Variants in CHD2 observed in about 807,000 individuals in gnomAD.
CHD2 encodes the protein ATP-dependent chromatin remodeler CHD2.
In CHD2, 28 loss-of-function variants were observed where a neutral mutation model predicts 243.9. The observed-to-expected ratio is 0.11, with a 90% CI of 0.09 to 0.16. CHD2 has a LOEUF of 0.16. Among genes scored for constraint, CHD2 ranks in the 10% least tolerant of loss-of-function variants. CHD2 has a pLI of 1.00. For synonymous variants in CHD2, 775 were observed against 779.0 expected, an observed-to-expected ratio of 0.99 and a Z score of 0.09; for missense variants, 1,386 against 2,209.8, an observed-to-expected ratio of 0.63 and a Z score of 7.47.
At chr15:92,949,428 T>A (rs1387275055) in intron 13 of CHD2, among the ~76,000 whole-genome samples, 2 of 152,224 alleles carry the variant, frequency 1.3e-5, no homozygotes, top group South Asian at 2.1e-4. Flanking sequence ...AAGAAGAAGA[T>A]GTCTTTTTCA....
chr15:93,024,818 G>GCTC lies in CHD2; in HGVS notation c.*115_*116insCCT. On this transcript the variant is annotated 3_prime_UTR_variant, in exon 39 of 39. Coordinates refer to ENST00000394196, the MANE Select transcript of CHD2 (RefSeq NM_001271.4). ...TAAGTGGAGTTTTGGACATGCTGCTGCTGTCAACTCACTGGCTGAAGGAGC... is the reference window on the plus strand; with the variant it reads ...TAAGTGGAGTTTTGGACATGCTGCTGCTCCTGTCAACTCACTGGCTGAAGGAGC... 1 of 883,042 alleles carries GCTC rather than the reference G, an allele frequency of 1.1e-6. No individual in the cohort carries two copies. Among genetic ancestry groups the GCTC allele is most frequent in the East Asian group, 2.7e-5 (1 of 37,238 alleles). The allele number at this position is 883,042 out of a possible 1,614,324, so 54.7% of individuals were successfully genotyped here. A position where few individuals can be genotyped will look rare whatever the true frequency, so the allele number is the denominator to read the frequency against.
chr15:92,995,575 A>T (rs1269788426), intron 28 of CHD2, among the ~76,000 whole-genome samples: 1 of 152,188 alleles, frequency 6.6e-6, no homozygotes, highest in Non-Finnish European at 1.5e-5. Flanking sequence ...TCATATCATT[A>T]TGTAGAGATC....
At chr15:92,990,214 CTCT>C (rs2054099054) in intron 26 of CHD2, among the ~76,000 whole-genome samples, 1 of 152,204 alleles carries the variant, frequency 6.6e-6, no homozygotes, top group African/African-American at 2.4e-5. Context: ...AACTCTCAAC[CTCT>C]TCTTTACCCT....
intron 15 of CHD2, among the ~76,000 whole-genome samples, chr15:92,956,158 G>GT (rs1271823403): frequency 6.6e-6 from 1 of 152,006 alleles, no homozygotes; most frequent in Non-Finnish European, 1.5e-5. Flanking sequence ...GAATCATATG[G>GT]TTTTTTTGTT....
In CHD2 at chr15:92,992,878, G is replaced by A; in HGVS notation, c.3475G>A (p.Asp1159Asn). Residue 1159 changes from aspartate to asparagine, a missense_variant, in exon 28 of 39, where the codon GAT (aspartate) becomes AAT (asparagine). Coordinates refer to ENST00000394196, the MANE Select transcript of CHD2 (RefSeq NM_001271.4). ...CCTCAGGCTGGAGTGCATAGCACGT[G>A]ATGCTGAGCTGGTAGATAAGTCGGT... Reference protein sequence around the residue: ...PLERLECIARDAELVDKSVAD... With the variant: ...PLERLECIARNAELVDKSVAD... 1 of 1,613,820 alleles carries A rather than the reference G, an allele frequency of 6.2e-7. No individual in the cohort carries two copies. The highest frequency in any genetic ancestry group is 8.5e-7 in the Non-Finnish European group (1 of 1,180,044).
chr15:92,939,763 G>T, intron 7 of CHD2, 45 bp downstream of exon 7: 1 of 1,583,882 alleles, frequency 6.3e-7, no homozygotes. Flanking sequence ...ATGTGATAAA[G>T]TAGTTGGTTA....
At chr15:92,977,676 T>G (rs1187747748) in intron 20 of CHD2, among the ~76,000 whole-genome samples, 5 of 152,242 alleles carry the variant, frequency 3.3e-5, no homozygotes. Context: ...AAACCTGTTT[T>G]GATTTTTTTA....
chr15:92,983,685 T>C (rs966944581), intron 24 of CHD2, among the ~76,000 whole-genome samples: 6 of 152,238 alleles, frequency 3.9e-5, no homozygotes, highest in African/African-American at 1.4e-4. Flanking sequence ...ACCTACTGTT[T>C]TAGTACAAAT....
At chr15:92,982,300 A>C (rs1285155520) in intron 24 of CHD2, among the ~76,000 whole-genome samples, 1 of 152,180 alleles carries the variant, frequency 6.6e-6, no homozygotes, top group Non-Finnish European at 1.5e-5. Context: ...ATGACTAGTA[A>C]AGTAAGTGAG....
intron 7 of CHD2, 123 bp downstream of exon 7, chr15:92,939,841 T>G: frequency 9.3e-7 from 1 of 1,070,226 alleles, no homozygotes; most frequent in Admixed American, 2.5e-5. Context: ...TGTCCTGAAG[T>G]TGTTTTCAGA....
At chr15:92,909,939 CGTGTGTGTGTGTGTGTGTGTGT>C (rs57621949) in intron 2 of CHD2, among the ~76,000 whole-genome samples, 17 of 149,226 alleles carry the variant, frequency 1.1e-4, no homozygotes, top group Non-Finnish European at 1.8e-4. Flanking sequence ...AAGGGTTTTA[CGTGTGTGTGTGTGTGTGTGTGT>C]GTGTGTGTAT....
intron 33 of CHD2, among the ~76,000 whole-genome samples, chr15:93,003,976 T>C (rs1453265025): frequency 6.6e-6 from 1 of 151,894 alleles, no homozygotes; most frequent in East Asian, 1.9e-4. Flanking sequence ...ATACAAAAAA[T>C]AGCTGGGTGT....
Position 92,924,306 on chromosome 15 carries a change from C to T in CHD2, c.63-15C>T, listed in dbSNP as rs372471036. 3 of 1,606,718 alleles carry T rather than the reference C, an allele frequency of 1.9e-6. No individual in the cohort carries two copies. Among genetic ancestry groups the T allele is most frequent in the African/African-American group, 2.7e-5 (2 of 74,872 alleles). On this transcript the variant is annotated splice_polypyrimidine_tract_variant and intron_variant, in intron 2 of 38. Transcript: ENST00000394196. ...TTCTTAAATATTTTTAAATCTCTCT[C>T]TCTCTCAAAATAAGTCACTCAGCCT...
At chr15:92,969,147 G>A (rs1289761306) in intron 17 of CHD2, among the ~76,000 whole-genome samples, 2 of 152,094 alleles carry the variant, frequency 1.3e-5, no homozygotes, top group African/African-American at 2.4e-5. Flanking sequence ...TGCTATTTTG[G>A]GTGTTGATTG....
At chr15:92,942,562 CA>C (rs1366535273) in intron 8 of CHD2, among the ~76,000 whole-genome samples, 1 of 151,914 alleles carries the variant, frequency 6.6e-6, no homozygotes, top group Non-Finnish European at 1.5e-5. Flanking sequence ...GGGACCAAAA[CA>C]AAAGGATGTT....
intron 2 of CHD2, among the ~76,000 whole-genome samples, chr15:92,917,948 T>G (rs1328878125): frequency 6.8e-6 from 1 of 146,248 alleles, no homozygotes; most frequent in African/African-American, 2.5e-5. Flanking sequence ...CAGTGTAGAT[T>G]GCTTTGTGAT....
intron 5 of CHD2, among the ~76,000 whole-genome samples, chr15:92,932,456 A>G (rs1199530476): frequency 2.9e-5 from 2 of 69,834 alleles, no homozygotes; most frequent in Non-Finnish European, 5.1e-5. Flanking sequence ...CCCCCACCCC[A>G]TGACAGGCCA....
At chr15:92,988,988 A>C (rs1337472268) in intron 26 of CHD2, among the ~76,000 whole-genome samples, 1 of 141,110 alleles carries the variant, frequency 7.1e-6, no homozygotes, top group Non-Finnish European at 1.5e-5. Flanking sequence ...GGTTTCTATT[A>C]CCTGCTTTTT....
chr15:92,902,255 T>G (rs1367561862), intron 2 of CHD2: 2 of 397,848 alleles, frequency 5.0e-6, no homozygotes, highest in Admixed American at 4.4e-5. Flanking sequence ...TTCCTTGGAG[T>G]ACCTTGTTAG....
Sources: gnomAD v4.1 joint callset for allele counts (sites outside exome capture counted in the v4.1 genomes callset) on GRCh38, gnomAD v4.1.1 for gene constraint, MANE v1.5 for transcripts, NCBI Gene and HGNC (gene_info 2026-07-23, HGNC 2026-07-21) for gene names.